NEB: variants seen among roughly 807,000 people sequenced by gnomAD.
NEB encodes the protein nemaline myopathy type 2.
A neutral mutation model predicts 952.2 loss-of-function variants in NEB; 512 were observed. The observed-to-expected ratio is 0.54, with a 90% CI of 0.50 to 0.58. The LOEUF (loss-of-function observed/expected upper bound fraction) is 0.58, where lower values mean the gene tolerates loss of function less well. Ranked by LOEUF, NEB falls within the 20% of genes least tolerant of loss-of-function variation. The pLI, the probability that NEB is intolerant of heterozygous loss-of-function variation, is 0.00. For synonymous variants in NEB, 2,900 were observed against 3,149.8 expected (o/e 0.92, Z 2.66); for missense variants, 8,428 against 9,231.1 (o/e 0.91, Z 3.56).
intron 124 of NEB, among the ~76,000 whole-genome samples, chr2:151,558,604 A>C (rs574256696): frequency 1.3e-5 from 2 of 152,206 alleles, no homozygotes; most frequent in African/African-American, 4.8e-5. Flanking sequence ...AAACAGATAT[A>C]TAGACCAATG....
Position 151,502,811 on chromosome 2 carries a change from A to AT in NEB, c.23909dup (p.Asn7970LysfsTer6). 6.2e-7 allele frequency: 1 copy of AT among 1,601,398 alleles called. No homozygotes were observed. Among genetic ancestry groups the AT allele is most frequent in the Non-Finnish European group, 8.5e-7 (1 of 1,172,576 alleles). ...GAAATACCGAGCTAAAGTTCTCTTGATTGCGTTTGACTCTCTCCATCTCTG... is the reference window on the plus strand; with the variant it reads ...GAAATACCGAGCTAAAGTTCTCTTGATTTGCGTTTGACTCTCTCCATCTCTG... On this transcript the variant is annotated frameshift_variant, in exon 167 of 182. Coordinates refer to ENST00000397345, the MANE Select transcript of NEB (RefSeq NM_001164508.2). LOFTEE classifies it high-confidence loss of function.
At chr2:151,609,781 C>T (rs371008487) in intron 81 of NEB, 28 bp downstream of exon 81, 1 of 1,544,600 alleles carries the variant, frequency 6.5e-7, no homozygotes, top group South Asian at 1.3e-5. Context: ...CTTCCCCTTC[C>T]CCCTTTCCCA....
chr2:151,644,418 G>T, intron 56 of NEB, 50 bp downstream of exon 56: 1 of 1,494,814 alleles, frequency 6.7e-7, no homozygotes, highest in Non-Finnish European at 9.3e-7. Context: ...AGACTGCTTT[G>T]AAGTGATAAA....
intron 24 of NEB, 143 bp from the exon 25 acceptor site, chr2:151,688,539 T>A: frequency 1.5e-6 from 1 of 674,128 alleles, no homozygotes; most frequent in Non-Finnish European, 2.6e-6. Context: ...CGCACAGGAT[T>A]CAAACTTTCA....
At chr2:151,546,898 A>G (rs2094788533) in intron 133 of NEB, among the ~76,000 whole-genome samples, 1 of 152,122 alleles carries the variant, frequency 6.6e-6, no homozygotes, top group Non-Finnish European at 1.5e-5. Context: ...TTGCACCCAA[A>G]TAAGTCATGT....
chr2:151,627,134 G>A lies in NEB; in HGVS notation c.10215C>T (p.Val3405=). 1 of 1,613,890 alleles carries A rather than the reference G, an allele frequency of 6.2e-7. No individual in the cohort carries two copies. The highest frequency in any genetic ancestry group is 1.1e-5 in the South Asian group (1 of 91,064). The change falls in exon 70 of 182, where the codon GTC becomes GTT. Residue 3405 remains valine (V), a synonymous_variant. Transcript: ENST00000397345. ...GTATTTCAGCAGCTCTCTTGCACTT[G>A]ACCACATCCATAGACCCAATGGGGA... ...GWVPIGSMDV[V]KCKRAAEILS... is the part of the protein sequence containing the mutation.
At chr2:151,553,157 A>G (rs2095434974) in intron 127 of NEB, among the ~76,000 whole-genome samples, 1 of 152,182 alleles carries the variant, frequency 6.6e-6, no homozygotes, top group South Asian at 2.1e-4. Context: ...AGCCTAAAAC[A>G]TAGAAAGAGA....
chr2:151,507,122 TC>T (rs2069713666), intron 162 of NEB, 109 bp from the exon 163 acceptor site: 12 of 694,306 alleles, frequency 1.7e-5, no homozygotes, highest in Non-Finnish European at 2.7e-5. Flanking sequence ...TAAAAAAAAG[TC>T]TATGCACAAT....
chr2:151,714,518 C>T (rs115178773), intron 10 of NEB, among the ~76,000 whole-genome samples: 1 of 152,136 alleles, frequency 6.6e-6, no homozygotes, highest in Non-Finnish European at 1.5e-5. Context: ...GGAGCTGGAG[C>T]TTCATTCTGA....
At chr2:151,488,953 A>G (rs530308859) in intron 181 of NEB, among the ~76,000 whole-genome samples, 1 of 152,038 alleles carries the variant, frequency 6.6e-6, no homozygotes, top group Non-Finnish European at 1.5e-5. Flanking sequence ...GCTTTATAGT[A>G]TGTTTTGTTC....
intron 124 of NEB, among the ~76,000 whole-genome samples, chr2:151,555,507 T>C (rs2095595136): frequency 6.6e-6 from 1 of 152,196 alleles, no homozygotes; most frequent in Non-Finnish European, 1.5e-5. Context: ...AATCCTTGGA[T>C]TTCAGTTTCT....
At chr2:151,636,653 T>C (rs2098768518) in intron 63 of NEB, among the ~76,000 whole-genome samples, 1 of 152,146 alleles carries the variant, frequency 6.6e-6, no homozygotes, top group African/African-American at 2.4e-5. Flanking sequence ...TGGTGGTGCA[T>C]GCCTGCAATC....
chr2:151,552,560 T>C (rs2095405678), intron 128 of NEB, 112 bp downstream of exon 128: 1 of 686,232 alleles, frequency 1.5e-6, no homozygotes, highest in South Asian at 2.0e-5. Flanking sequence ...CCAACTCTGG[T>C]TTCCCAGTTA....
At position 151,663,433 on chromosome 2, in the gene NEB, T is replaced by C. The variant is rs541879026; in HGVS notation, c.5763+115A>G. 189 of 1,014,212 alleles carry C rather than the reference T, an allele frequency of 1.9e-4. No homozygotes were observed. The African/African-American group carries it at 2.7e-3, about 14-fold the overall frequency. The allele number at this position is 1,014,212 out of a possible 1,614,324, so 62.8% of individuals were successfully genotyped here. ...ATCTAAGGTAACAAATGAAACACTA[T>C]GTTGGGAAATTGCAGATGAATTTCT... On this transcript the variant is annotated intron_variant, in intron 45 of 181. Transcript: ENST00000397345.
In NEB at chr2:151,540,428, A is replaced by T. The variant is rs753417634; in HGVS notation, c.20808T>A (p.Tyr6936Ter). The T allele has an allele frequency of 6.4e-7, 1 of 1,568,624 alleles. No homozygotes were observed. The highest frequency in any genetic ancestry group is 8.7e-7 in the Non-Finnish European group (1 of 1,154,544). Residue 6936 changes from tyrosine (Y) to a stop codon, truncating the protein, a stop_gained, in exon 138 of 182, where the codon TAT (tyrosine) becomes TAA (stop). Transcript: ENST00000397345. LOFTEE classifies it high-confidence loss of function. ...GAGTGTACTTGTCTTTCATCTTTTCATATTGAATCTTGTACTTTTTCTGAG... is the reference window on the plus strand; with the variant it reads ...GAGTGTACTTGTCTTTCATCTTTTCTTATTGAATCTTGTACTTTTTCTGAG... ...MVSEKKYKIQ[Y>*]EKMKDKYTPV... is the part of the protein sequence containing the mutation.
intron 161 of NEB, among the ~76,000 whole-genome samples, chr2:151,510,915 T>G (rs905302843): frequency 5.3e-5 from 8 of 152,214 alleles, no homozygotes; most frequent in Non-Finnish European, 1.2e-4. Flanking sequence ...GATTCTCCAT[T>G]GGAAATCGAG....
chr2:151,655,193 A>G, intron 51 of NEB, 77 bp downstream of exon 51: 3 of 828,608 alleles, frequency 3.6e-6, no homozygotes, highest in Non-Finnish European at 5.5e-6. Flanking sequence ...CATTTATATC[A>G]GTATTTACTG....
rs775139388 is a variant in NEB, at chr2:151,494,247, A to G, written c.24493T>C (p.Tyr8165His). ...HNQENISSVL[Y>H]KENVGKATAT... is the part of the protein sequence containing the mutation. ...GTGGCTTTCCCCACATTTTCTTTGT[A>G]CAAAACCTATGGGAATCCAATGGGT... Residue 8165 changes from tyrosine to histidine, a missense_variant, in exon 174 of 182, where the codon TAC becomes CAC. Tyr to His is a moderately conservative substitution (Grantham distance 83). Around this residue, in one of 11 missense-constraint regions of NEB, gnomAD observed 3,374 missense variants for 3,651.5 expected, o/e 0.92. Transcript: ENST00000397345. 17 of 1,595,394 alleles carry G rather than the reference A, an allele frequency of 1.1e-5. No individual in the cohort carries two copies. The highest frequency in any genetic ancestry group is 9.1e-5 in the South Asian group (8 of 88,182).
At chr2:151,673,251 G>A (rs971209130) in intron 36 of NEB, among the ~76,000 whole-genome samples, 3 of 152,174 alleles carry the variant, frequency 2.0e-5, no homozygotes, top group African/African-American at 7.2e-5. Flanking sequence ...TCAGCAATGT[G>A]ATATAAATTG....
Sources: gnomAD v4.1 joint callset for allele counts (sites outside exome capture counted in the v4.1 genomes callset) on GRCh38, gnomAD v4.1.1 for gene constraint, gnomAD v4.1.1 regional missense constraint, MANE v1.5 for transcripts, NCBI Gene and HGNC (gene_info 2026-07-23, HGNC 2026-07-21) for gene names.